Variants in PCDHGA4 observed in about 807,000 individuals in gnomAD.
PCDHGA4 encodes the protein protocadherin gamma subfamily A, 4.
In PCDHGA4, 38 loss-of-function variants were observed where a neutral mutation model predicts 54.6. The observed-to-expected ratio is 0.70, with a 90% CI of 0.54 to 0.91. The LOEUF is 0.91. Among genes scored for constraint, PCDHGA4 ranks in the 40% least tolerant of loss-of-function variants. The pLI, the probability that PCDHGA4 is intolerant of heterozygous loss-of-function variation, is 0.00. For missense variants in PCDHGA4, 1,298 were observed against 1,220.9 expected, an observed-to-expected ratio of 1.06 and a Z score of -0.94; for synonymous variants, 511 against 512.9, an observed-to-expected ratio of 1.00 and a Z score of 0.05.
intron 1 of PCDHGA4, chr5:141,385,652 G>T: frequency 1.5e-6 from 1 of 651,480 alleles, no homozygotes; most frequent in South Asian, 5.5e-5. Context: ...ATTGCACAAG[G>T]TTAGCAGGAA....
intron 1 of PCDHGA4, chr5:141,422,094 T>C: frequency 1.2e-6 from 2 of 1,610,648 alleles, no homozygotes; most frequent in Non-Finnish European, 1.7e-6. Flanking sequence ...AAAGCAAGGC[T>C]TCTGAAATAT....
At chr5:141,421,417 G>A (rs1188564125) in intron 1 of PCDHGA4, 2 of 1,613,950 alleles carry the variant, frequency 1.2e-6, no homozygotes, top group Non-Finnish European at 1.7e-6. Context: ...GGCGAAGCGC[G>A]GAGTCCGCAT....
intron 1 of PCDHGA4, among the ~76,000 whole-genome samples, chr5:141,425,485 A>G (rs2096878362): frequency 6.6e-6 from 1 of 152,274 alleles, no homozygotes; most frequent in Non-Finnish European, 1.5e-5. Context: ...ATGGCAACCT[A>G]CTAGGCTATA....
rs141034739 is a variant in PCDHGA4 at position 141,491,100 on chromosome 5, C to T, written c.2515-3707C>T. The T allele has an allele frequency of 2.7e-4, 430 of 1,614,138 alleles. No homozygotes were observed. The African/African-American group carries it at 4.7e-3, about 18-fold the overall frequency. ...AGTCCACAGCCCCAGGACTGTTCCT[C>T]GTGTCTACACACACTGGTGAGGTGC... On this transcript the variant is annotated intron_variant, in intron 1 of 3. Transcript: ENST00000571252. The surrounding 1 kb of genome is among the most constrained non-coding windows in gnomAD (Gnocchi z 6.9).
chr5:141,476,318 G>T lies in PCDHGA4; in HGVS notation c.2515-18489G>T. 3 of 1,614,202 alleles carry T rather than the reference G, an allele frequency of 1.9e-6. No homozygotes were observed. The highest frequency in any genetic ancestry group is 2.5e-6 in the Non-Finnish European group (3 of 1,180,052). The stretch of plus-strand genomic sequence containing the variant: ...TAGCCTCTCAGCCCGCAGGTTCCGG[G>T]TGGTGTCTGGAGCTAGCCGAAGATT... On this transcript the variant is annotated intron_variant, in intron 1 of 3. Transcript: ENST00000571252. This position sits in a 1 kb window ranked among gnomAD's most constrained non-coding sequence, Gnocchi z 7.6.
At chr5:141,454,034 G>A (rs530844564) in intron 1 of PCDHGA4, among the ~76,000 whole-genome samples, 10 of 152,270 alleles carry the variant, frequency 6.6e-5, no homozygotes, top group African/African-American at 2.4e-4. Context: ...GAATTGGCCA[G>A]CAAAGATAAA....
At chr5:141,365,169 C>T in intron 1 of PCDHGA4, 1 of 1,613,926 alleles carries the variant, frequency 6.2e-7, no homozygotes, top group Non-Finnish European at 8.5e-7. Flanking sequence ...TTGACCTACT[C>T]TTTTCGCAAT....
Position 141,510,990 on chromosome 5 carries a change from C to T in PCDHGA4, c.2706C>T (p.Thr902=). ...GSSTLGGGAG[T]MGLSARYGPQ... ...CCACCCTGGGAGGGGGTGCCGGCAC[C>T]ATGGGATTGAGCGCCCGCTACGGAC... The change falls in exon 4 of 4, where the codon ACC becomes ACT. Residue 902 remains threonine, a synonymous_variant. Transcript: ENST00000571252. The T allele has an allele frequency of 2.5e-6, 4 of 1,614,166 alleles. No homozygotes were observed. Among genetic ancestry groups the T allele is most frequent in the Non-Finnish European group, 3.4e-6 (4 of 1,180,014 alleles).
At chr5:141,459,686 C>T (rs79275885) in intron 1 of PCDHGA4, among the ~76,000 whole-genome samples, 5,534 of 152,296 alleles carry the variant, frequency 0.036, 130 homozygotes, top group South Asian at 0.077. Flanking sequence ...ATGCATAAAG[C>T]GTTCCGCTTG....
At position 141,477,572 on chromosome 5, in the gene PCDHGA4, G is replaced by A. The variant is rs375416133; in HGVS notation, c.2515-17235G>A. The A allele has an allele frequency of 6.2e-7, 1 of 1,614,112 alleles. No homozygotes were observed. The highest frequency in any genetic ancestry group is 8.5e-7 in the Non-Finnish European group (1 of 1,180,030). On this transcript the variant is annotated intron_variant, in intron 1 of 3. Coordinates refer to ENST00000571252, the MANE Select transcript of PCDHGA4 (RefSeq NM_018917.4). This position sits in a 1 kb window ranked among gnomAD's most constrained non-coding sequence, Gnocchi z 4.9. ...AAACCTAAGTGTCTGGGACCCCGAC[G>A]CCCCGCAGAATGCTCGGCTTTCTTT...
chr5:141,366,069 G>A (rs544928184), intron 1 of PCDHGA4: 10 of 1,614,216 alleles, frequency 6.2e-6, no homozygotes, highest in Non-Finnish European at 8.5e-6. Context: ...CTGGCGCCTC[G>A]CTCCGCAGAA....
chr5:141,494,899 C>T, intron 2 of PCDHGA4, 34 bp downstream of exon 2: 1 of 1,614,116 alleles, frequency 6.2e-7, no homozygotes, highest in Non-Finnish European at 8.5e-7. Context: ...ACCCTCTTCT[C>T]TGCGGCATTT....
chr5:141,395,245 T>G (rs1347101527), intron 1 of PCDHGA4: 1 of 1,571,252 alleles, frequency 6.4e-7, no homozygotes, highest in Admixed American at 1.9e-5. Context: ...CAGGTGAGTT[T>G]AGTTCTTTGC....
Position 141,432,331 on chromosome 5 carries a change from G to A in PCDHGA4, c.2515-62476G>A, listed in dbSNP as rs763952193. Reference sequence around the variant, plus strand: ...CGCTGAGCTCCTTCGACTACGAGCAGTTCCGAGACTTGCAAGTGAAAGTGA... The same window carrying A: ...CGCTGAGCTCCTTCGACTACGAGCAATTCCGAGACTTGCAAGTGAAAGTGA... On this transcript the variant is annotated intron_variant, in intron 1 of 3. Transcript: ENST00000571252. The surrounding 1 kb of genome is among the most constrained non-coding windows in gnomAD (Gnocchi z 6.0). The A allele has an allele frequency of 1.2e-6, 2 of 1,614,278 alleles. No individual in the cohort carries two copies. Among genetic ancestry groups the A allele is most frequent in the East Asian group, 2.2e-5 (1 of 44,888 alleles).
chr5:141,487,477 C>A lies in PCDHGA4; in HGVS notation c.2515-7330C>A, dbSNP rs748435479. On this transcript the variant is annotated intron_variant, in intron 1 of 3. Transcript: ENST00000571252. The surrounding 1 kb of genome is among the most constrained non-coding windows in gnomAD (Gnocchi z 5.0). ...TCAAGTTTGTTGATGTGGGAGGCCA[C>A]TCTCATGGCTGTACACCCTTGGCTT... 1 of 1,614,200 alleles carries A rather than the reference C, an allele frequency of 6.2e-7. No individual in the cohort carries two copies. The highest frequency in any genetic ancestry group is 1.7e-5 in the Admixed American group (1 of 60,030).
At chr5:141,368,172 A>G (rs1160663847) in intron 1 of PCDHGA4, among the ~76,000 whole-genome samples, 2 of 152,230 alleles carry the variant, frequency 1.3e-5, no homozygotes, top group African/African-American at 4.8e-5. Context: ...TCAGCTTCAA[A>G]TAATGACTAA....
chr5:141,376,118 G>T, intron 1 of PCDHGA4: 1 of 1,613,826 alleles, frequency 6.2e-7, no homozygotes, highest in Non-Finnish European at 8.5e-7. Context: ...GGGCAGCCTC[G>T]AGCCCTCCGC....
chr5:141,386,789 A>G lies in PCDHGA4; in HGVS notation c.2514+29168A>G, dbSNP rs144966256. Among the ~76,000 whole-genome samples the G allele has an allele frequency of 8.8e-3, 1,344 of 152,342 alleles. 18 individuals carry two copies. Among genetic ancestry groups the G allele is most frequent in the African/African-American group, 0.031 (1,269 of 41,584 alleles). On this transcript the variant is annotated intron_variant, in intron 1 of 3. Coordinates refer to ENST00000571252, the MANE Select transcript of PCDHGA4 (RefSeq NM_018917.4). ...GTATTTTGTAAAAGAAAATCTCCTG[A>G]CCAAAATTTATTAGATGCATAAAAT...
chr5:141,482,492 T>C (rs1167963137), intron 1 of PCDHGA4, among the ~76,000 whole-genome samples: 1 of 144,468 alleles, frequency 6.9e-6, no homozygotes, highest in Non-Finnish European at 1.5e-5. Flanking sequence ...TTAAAAGTTA[T>C]CATTCTGGTA....
Sources: gnomAD v4.1 joint callset for allele counts (sites outside exome capture counted in the v4.1 genomes callset) on GRCh38, gnomAD v4.1.1 for gene constraint, Gnocchi (gnomAD v3.1) non-coding constraint, MANE v1.5 for transcripts, NCBI Gene and HGNC (gene_info 2026-07-23, HGNC 2026-07-21) for gene names.